ITCH: variants seen among roughly 807,000 people sequenced by gnomAD.
The protein encoded by ITCH is E3 ubiquitin-protein ligase Itchy homolog.
A neutral mutation model predicts 126.8 loss-of-function variants in ITCH; 28 were observed. The ratio of observed to expected loss-of-function variants is 0.22; its 90% confidence interval spans 0.16 to 0.30. The LOEUF is 0.30. Among genes scored for constraint, ITCH ranks in the 10% least tolerant of loss-of-function variants. ITCH has a pLI of 1.00. For synonymous variants in ITCH, 342 were observed against 340.0 expected (o/e 1.01, Z -0.06); for missense variants, 631 against 1,032.4 (o/e 0.61, Z 5.33).
chr20:34,461,991 C>T (rs2146374602), intron 13 of ITCH, 102 bp from the exon 14 acceptor site: 1 of 1,193,914 alleles, frequency 8.4e-7, no homozygotes, highest in Non-Finnish European at 1.2e-6. Flanking sequence ...GAATGGTTTT[C>T]TAAAAGATTT....
chr20:34,370,897 G>A (rs1568851146), intron 2 of ITCH, among the ~76,000 whole-genome samples: 6 of 152,022 alleles, frequency 3.9e-5, no homozygotes, highest in Admixed American at 3.9e-4. Context: ...GGCTGGGCGC[G>A]GTGGCTCACG....
intron 22 of ITCH, among the ~76,000 whole-genome samples, chr20:34,491,551 G>T (rs566043890): frequency 1.3e-5 from 2 of 149,564 alleles, no homozygotes; most frequent in Admixed American, 6.7e-5. Flanking sequence ...AATTTATGTT[G>T]TGTATATTTT....
At chr20:34,404,820 G>A (rs2039002365) in intron 3 of ITCH, among the ~76,000 whole-genome samples, 1 of 151,972 alleles carries the variant, frequency 6.6e-6, no homozygotes, top group South Asian at 2.1e-4. Flanking sequence ...TACTAAAATT[G>A]GTGCTCCTCC....
chr20:34,480,651 A>G lies in ITCH; in HGVS notation c.1871A>G (p.Lys624Arg), dbSNP rs1470454047. The change falls in exon 19 of 25, where the codon AAG becomes AGG. Residue 624 changes from lysine (K) to arginine (R), a missense_variant. This residue lies in a region of ITCH where 390 missense variants were observed against 731.6 expected (regional missense o/e 0.53). Coordinates refer to ENST00000374864, the MANE Select transcript of ITCH (RefSeq NM_031483.7). Reference sequence around the variant, plus strand: ...ACGGGTTTTTCTTTACCATTCTATAAGCGTATCTTGAACAAACCAGTTGGA... The same window carrying G: ...ACGGGTTTTTCTTTACCATTCTATAGGCGTATCTTGAACAAACCAGTTGGA... ...IDTGFSLPFY[K>R]RILNKPVGLK... 6.2e-7 allele frequency: 1 copy of G among 1,613,492 alleles called. No individual in the cohort carries two copies. Among genetic ancestry groups the G allele is most frequent in the Admixed American group, 1.7e-5 (1 of 60,026 alleles).
intron 13 of ITCH, among the ~76,000 whole-genome samples, chr20:34,461,216 C>T (rs951754074): frequency 1.3e-5 from 2 of 151,974 alleles, no homozygotes; most frequent in African/African-American, 4.8e-5. Flanking sequence ...TTGAGGCCAG[C>T]GTATAGAGGC....
chr20:34,402,516 T>C, intron 3 of ITCH: 1 of 750,830 alleles, frequency 1.3e-6, no homozygotes, highest in South Asian at 1.4e-5. Context: ...TCAGCAGTCA[T>C]AATCCCTCAT....
intron 2 of ITCH, among the ~76,000 whole-genome samples, chr20:34,380,291 A>AT (rs1333192188): frequency 2.0e-5 from 3 of 152,088 alleles, no homozygotes; most frequent in Non-Finnish European, 4.4e-5. Flanking sequence ...CATTTTATAT[A>AT]TTTTAGTAAT....
chr20:34,482,467 G>T (rs772249757), intron 20 of ITCH, among the ~76,000 whole-genome samples: 8 of 152,192 alleles, frequency 5.3e-5, no homozygotes, highest in Non-Finnish European at 1.2e-4. Context: ...CCAAAACAAA[G>T]GAGCTACAGG....
intron 3 of ITCH, among the ~76,000 whole-genome samples, chr20:34,403,709 G>A (rs1478990979): frequency 6.6e-6 from 1 of 152,076 alleles, no homozygotes; most frequent in Non-Finnish European, 1.5e-5. Flanking sequence ...GAAGCATGGA[G>A]GTGGAAATAA....
At chr20:34,464,465 T>G (rs557223554) in intron 14 of ITCH, among the ~76,000 whole-genome samples, 1 of 151,954 alleles carries the variant, frequency 6.6e-6, no homozygotes, top group Non-Finnish European at 1.5e-5. Context: ...TCGCTGGGAT[T>G]ATAGGCATGC....
intron 24 of ITCH, among the ~76,000 whole-genome samples, 165 bp downstream of exon 24, chr20:34,504,568 T>TA (rs1990503069): frequency 6.6e-6 from 1 of 152,142 alleles, no homozygotes; most frequent in Admixed American, 6.5e-5. Flanking sequence ...TATGATTCCT[T>TA]ACAACTATTT....
At chr20:34,492,690 C>G in intron 23 of ITCH, 93 bp downstream of exon 23, 1 of 823,538 alleles carries the variant, frequency 1.2e-6, no homozygotes, top group South Asian at 1.4e-5. Flanking sequence ...ACAACAAAGA[C>G]AGGGATAGCC....
At chr20:34,416,794 G>A (rs374322265) in intron 6 of ITCH, among the ~76,000 whole-genome samples, 1 of 151,736 alleles carries the variant, frequency 6.6e-6, no homozygotes, top group Non-Finnish European at 1.5e-5. Flanking sequence ...CTCGCTACAA[G>A]TCTCGGTTAT....
In ITCH at chr20:34,479,639, C is replaced by T; in HGVS notation, c.1668C>T (p.Phe556=). Reference sequence around the variant, plus strand: ...TTTCTTTTGATTTCAGAGAATGGTTCTTTCTTTTGTCACATGAAGTGTTGA... The same window carrying T: ...TTTCTTTTGATTTCAGAGAATGGTTTTTTCTTTTGTCACATGAAGTGTTGA... ...LDYGGVAREW[F]FLLSHEVLNP... is the part of the protein sequence containing the mutation. Residue 556 remains phenylalanine (F), a synonymous_variant, in exon 18 of 25, where the codon TTC becomes TTT. Coordinates refer to ENST00000374864, the MANE Select transcript of ITCH (RefSeq NM_031483.7). The T allele has an allele frequency of 6.2e-7, 1 of 1,613,714 alleles. No homozygotes were observed. The highest frequency in any genetic ancestry group is 8.5e-7 in the Non-Finnish European group (1 of 1,179,720).
intron 20 of ITCH, among the ~76,000 whole-genome samples, chr20:34,484,935 C>T (rs1278973341): frequency 2.0e-5 from 3 of 152,164 alleles, no homozygotes; most frequent in East Asian, 1.9e-4. Context: ...GGGGCCAATG[C>T]ACACCTCCCT....
intron 14 of ITCH, among the ~76,000 whole-genome samples, chr20:34,468,226 G>A (rs922913858): frequency 6.6e-6 from 1 of 151,566 alleles, no homozygotes; most frequent in African/African-American, 2.4e-5. Flanking sequence ...AGTAGAGACG[G>A]GGTTTCACTG....
chr20:34,419,883 G>C lies in ITCH; in HGVS notation c.476-4597G>C, dbSNP rs573467956. 9.8e-4 allele frequency among the ~76,000 whole-genome samples: 148 copies of C among 151,270 alleles called. 3 individuals carry two copies. The South Asian group carries it at 0.03, about 31-fold the overall frequency. On this transcript the variant is annotated intron_variant, in intron 6 of 24. Transcript: ENST00000374864. ...GTAATCTGTTGAGTGAATGTACCGG[G>C]TTTTAAGATTTTTATATCAAAGGAC... is the stretch of plus-strand genomic sequence containing the variant.
chr20:34,480,048 G>A (rs929582073), intron 18 of ITCH, among the ~76,000 whole-genome samples: 5 of 151,818 alleles, frequency 3.3e-5, no homozygotes, highest in African/African-American at 7.3e-5. Flanking sequence ...ACAGGTGTGC[G>A]CCACCATGCC....
chr20:34,504,005 T>A (rs1476937465), intron 23 of ITCH, among the ~76,000 whole-genome samples: 3 of 151,738 alleles, frequency 2.0e-5, no homozygotes, highest in South Asian at 2.1e-4. Flanking sequence ...CTCAGTCTCC[T>A]GAGTAGCTGG....
Sources: gnomAD v4.1 joint callset for allele counts (sites outside exome capture counted in the v4.1 genomes callset) on GRCh38, gnomAD v4.1.1 for gene constraint, gnomAD v4.1.1 regional missense constraint, MANE v1.5 for transcripts, NCBI Gene and HGNC (gene_info 2026-07-23, HGNC 2026-07-21) for gene names.